The following SMURF2 variants were observed in gnomAD, a reference collection of about 807,000 sequenced individuals.
SMURF2 encodes E3 ubiquitin-protein ligase SMURF2.
Under a neutral mutation model 109.6 loss-of-function variants are expected in SMURF2, and 48 were observed. That is an observed-to-expected ratio of 0.44 (90% CI 0.35 to 0.56). The LOEUF is 0.56. SMURF2 is among the 20% of genes least tolerant of loss of function. The probability of loss-of-function intolerance (pLI) is 0.01; values close to 1 mark genes in which losing one functional copy is unlikely to be tolerated. For synonymous variants in SMURF2, 288 were observed against 317.1 expected (o/e 0.91, Z 0.97); for missense variants, 575 against 909.0 (o/e 0.63, Z 4.72).
intron 3 of SMURF2, among the ~76,000 whole-genome samples, chr17:64,596,581 T>TAAA (rs1568188643): frequency 8.4e-5 from 2 of 23,790 alleles, no homozygotes; most frequent in Admixed American, 5.7e-4. Context: ...AACAGGAGAG[T>TAAA]AAACAAAAAA....
At chr17:64,628,154 G>C (rs1970292333) in intron 1 of SMURF2, among the ~76,000 whole-genome samples, 1 of 152,164 alleles carries the variant, frequency 6.6e-6, no homozygotes, top group Non-Finnish European at 1.5e-5. Flanking sequence ...TCGCAAGTTT[G>C]TTTGAAGCCT....
intron 1 of SMURF2, among the ~76,000 whole-genome samples, chr17:64,610,116 G>C (rs1393432476): frequency 6.6e-6 from 1 of 152,194 alleles, no homozygotes; most frequent in Non-Finnish European, 1.5e-5. Context: ...AACAGATGCT[G>C]GAGAGGATGT....
At chr17:64,562,466 G>A (rs1271078207) in intron 11 of SMURF2, among the ~76,000 whole-genome samples, 6 of 148,132 alleles carry the variant, frequency 4.1e-5, no homozygotes, top group Non-Finnish European at 8.9e-5. Context: ...CGCAACCTCC[G>A]CCTCCTGGGT....
At chr17:64,584,636 C>T (rs767593502) in intron 6 of SMURF2, among the ~76,000 whole-genome samples, 8 of 152,040 alleles carry the variant, frequency 5.3e-5, no homozygotes, top group Admixed American at 1.3e-4. Context: ...GGATTACAGG[C>T]GTAAGCCACC....
intron 12 of SMURF2, among the ~76,000 whole-genome samples, chr17:64,560,645 C>A (rs765483214): frequency 1.3e-5 from 2 of 151,940 alleles, no homozygotes; most frequent in African/African-American, 4.8e-5. Flanking sequence ...GAAAAGAATT[C>A]TTGTAGTAAA....
At chr17:64,654,946 G>A (rs1215234210) in intron 1 of SMURF2, among the ~76,000 whole-genome samples, 1 of 151,670 alleles carries the variant, frequency 6.6e-6, no homozygotes, top group Non-Finnish European at 1.5e-5. Flanking sequence ...CAAAGTGCTG[G>A]GATAACAGGC....
intron 10 of SMURF2, among the ~76,000 whole-genome samples, chr17:64,568,647 C>T (rs1432492006): frequency 6.6e-6 from 1 of 152,146 alleles, no homozygotes; most frequent in Non-Finnish European, 1.5e-5. Flanking sequence ...GTAGAGTGCT[C>T]CAACATCTTT....
rs1469840895 is a variant in SMURF2, at chr17:64,581,947, C to A, written c.570-956G>T. Among the ~76,000 whole-genome samples, 2 of 149,176 alleles carry A rather than the reference C, an allele frequency of 1.3e-5. No homozygotes were observed. Among genetic ancestry groups the A allele is most frequent in the Non-Finnish European group, 3.0e-5 (2 of 67,580 alleles). On this transcript the variant is annotated intron_variant, in intron 7 of 18. Coordinates refer to ENST00000262435, the MANE Select transcript of SMURF2 (RefSeq NM_022739.4). This position sits in a 1 kb window ranked among gnomAD's most constrained non-coding sequence, Gnocchi z 4.3. ...CTGCACTCTAGCCTAGGCAATAGAG[C>A]GGGACTCCATCTCCAAAAAAAAAAA...
chr17:64,661,251 T>A (rs1970770886), intron 1 of SMURF2, among the ~76,000 whole-genome samples: 1 of 152,124 alleles, frequency 6.6e-6, no homozygotes, highest in Admixed American at 6.5e-5. Context: ...AAAGTCAACC[T>A]GTCTCCTCAC....
chr17:64,626,225 C>T (rs1034489701), intron 1 of SMURF2, among the ~76,000 whole-genome samples: 3 of 149,032 alleles, frequency 2.0e-5, no homozygotes, highest in Admixed American at 6.8e-5. Context: ...TGCCACTACA[C>T]TCCAGGCTGG....
At chr17:64,546,934 G>A (rs74484448) in intron 17 of SMURF2, among the ~76,000 whole-genome samples, 6,674 of 152,326 alleles carry the variant, frequency 0.044, 515 homozygotes, top group African/African-American at 0.15. Context: ...GGGCAGCACT[G>A]TCGAATTATG....
intron 1 of SMURF2, among the ~76,000 whole-genome samples, chr17:64,627,198 T>A (rs1348030602): frequency 7.3e-6 from 1 of 136,618 alleles, no homozygotes; most frequent in Non-Finnish European, 1.5e-5. Context: ...CACTGCAACC[T>A]CCACCTCCCG....
chr17:64,610,891 C>G (rs1970034752), intron 1 of SMURF2, among the ~76,000 whole-genome samples: 1 of 152,182 alleles, frequency 6.6e-6, no homozygotes, highest in Non-Finnish European at 1.5e-5. Flanking sequence ...GCCCTGGAGA[C>G]CTAATTACCA....
At chr17:64,629,337 T>A (rs1471031545) in intron 1 of SMURF2, among the ~76,000 whole-genome samples, 2 of 152,000 alleles carry the variant, frequency 1.3e-5, no homozygotes, top group Non-Finnish European at 2.9e-5. Flanking sequence ...CCTGTCTCTA[T>A]AAAAAAAATT....
intron 1 of SMURF2, among the ~76,000 whole-genome samples, chr17:64,639,648 T>C (rs1212380314): frequency 6.6e-6 from 1 of 152,162 alleles, no homozygotes; most frequent in Non-Finnish European, 1.5e-5. Context: ...AGATGTGGTG[T>C]CTAATACCAG....
chr17:64,619,057 C>T (rs142304310), intron 1 of SMURF2, among the ~76,000 whole-genome samples: 4 of 152,200 alleles, frequency 2.6e-5, no homozygotes, highest in African/African-American at 9.6e-5. Flanking sequence ...AAAGATTAAA[C>T]AAATTGAAAC....
chr17:64,632,822 ACTTAACCTCT>A (rs1451976043), intron 1 of SMURF2, among the ~76,000 whole-genome samples: 13 of 152,200 alleles, frequency 8.5e-5, no homozygotes, highest in Admixed American at 7.2e-4. Context: ...TGGACAAATG[ACTTAACCTCT>A]CTGAGATCAG....
At chr17:64,635,164 T>C (rs1970398621) in intron 1 of SMURF2, among the ~76,000 whole-genome samples, 1 of 151,816 alleles carries the variant, frequency 6.6e-6, no homozygotes, top group Non-Finnish European at 1.5e-5. Context: ...CCATCTCTAT[T>C]AAAAATACAA....
rs148593004 is a variant in SMURF2 at position 64,567,795 on chromosome 17, G to A, written c.1016+4003C>T. On this transcript the variant is annotated intron_variant, in intron 10 of 18. Transcript: ENST00000262435. ...CCTCCCAGGTTCAAGCAATTCTCCT[G>A]CCTCAGCCTCCTGGGTCCCAACTAG... 2.2e-3 allele frequency among the ~76,000 whole-genome samples: 335 copies of A among 150,928 alleles called. 1 individual carries two copies. Among genetic ancestry groups the A allele is most frequent in the African/African-American group, 7.6e-3 (311 of 41,018 alleles).
Sources: gnomAD v4.1 joint callset for allele counts (sites outside exome capture counted in the v4.1 genomes callset) on GRCh38, gnomAD v4.1.1 for gene constraint, Gnocchi (gnomAD v3.1) non-coding constraint, MANE v1.5 for transcripts, NCBI Gene and HGNC (gene_info 2026-07-23, HGNC 2026-07-21) for gene names.